CACNA1B: variants seen among roughly 807,000 people sequenced by gnomAD.
The protein encoded by CACNA1B is calcium voltage-gated channel subunit alpha1 B.
CACNA1B carries 70 observed loss-of-function variants against 247.2 expected under a neutral mutation model. That is an observed-to-expected ratio of 0.28 (90% confidence interval 0.23 to 0.35). CACNA1B has a LOEUF of 0.35. Ranked by LOEUF, CACNA1B falls within the 10% of genes least tolerant of loss-of-function variation. CACNA1B has a pLI of 1.00. For synonymous variants in CACNA1B, 1,231 were observed against 1,294.4 expected (o/e 0.95, Z 1.05); for missense variants, 2,367 against 3,197.4 (o/e 0.74, Z 6.26).
intron 10 of CACNA1B, among the ~76,000 whole-genome samples, chr9:137,970,836 A>G (rs1351185636): frequency 1.3e-5 from 2 of 152,202 alleles, no homozygotes; most frequent in African/African-American, 2.4e-5. Context: ...AGTTTCCAAC[A>G]GTAAGTATTG....
chr9:138,022,675 C>A (rs2133437082), intron 18 of CACNA1B, among the ~76,000 whole-genome samples: 1 of 152,256 alleles, frequency 6.6e-6, no homozygotes, highest in Non-Finnish European at 1.5e-5. Context: ...GCCTTCCTGG[C>A]CAGCCGCCCA....
intron 6 of CACNA1B, among the ~76,000 whole-genome samples, chr9:137,927,289 G>GTTTTTTTTTT: frequency 6.7e-6 from 1 of 149,616 alleles, no homozygotes. Context: ...TGTTGCCCAG[G>GTTTTTTTTTT]CTGGAGTGCA....
At chr9:137,967,455 T>G (rs1002045956) in intron 10 of CACNA1B, among the ~76,000 whole-genome samples, 1 of 152,162 alleles carries the variant, frequency 6.6e-6, no homozygotes, top group Admixed American at 6.5e-5. Flanking sequence ...CGTGGCCCGC[T>G]CTCAGAGCCC....
rs1219865815 is a variant in CACNA1B, at chr9:138,020,089, T to C, written c.2268-2922T>C. ...TCCAGCCTGGGCGACACAGCGAGACTCTGTCTCCCAAAAAAAAAAAAAAAA... is the reference window on the plus strand; with the variant it reads ...TCCAGCCTGGGCGACACAGCGAGACCCTGTCTCCCAAAAAAAAAAAAAAAA... On this transcript the variant is annotated intron_variant, in intron 18 of 46. Coordinates refer to ENST00000371372, the MANE Select transcript of CACNA1B (RefSeq NM_000718.4). The surrounding 1 kb of genome is among the most constrained non-coding windows in gnomAD (Gnocchi z 4.1). Among the ~76,000 whole-genome samples the C allele has an allele frequency of 7.8e-6, 1 of 127,934 alleles. No homozygotes were observed. The highest frequency in any genetic ancestry group is 1.6e-5 in the Non-Finnish European group (1 of 64,488). The allele number at this position is 127,934 out of a possible 152,430, so 83.9% of individuals were successfully genotyped here.
intron 6 of CACNA1B, among the ~76,000 whole-genome samples, chr9:137,920,271 A>G (rs1957462657): frequency 6.6e-6 from 1 of 152,086 alleles, no homozygotes; most frequent in South Asian, 2.1e-4. Context: ...ATTTTGGCTC[A>G]CTGCAACCTC....
chr9:138,073,934 C>A lies in CACNA1B; in HGVS notation c.4792-67C>A. The A allele has an allele frequency of 7.6e-7, 1 of 1,310,924 alleles. No homozygotes were observed. Among genetic ancestry groups the A allele is most frequent in the Non-Finnish European group, 1.1e-6 (1 of 913,812 alleles). 81.2% of individuals were successfully genotyped at this position (1,310,924 alleles called of 1,614,324 possible). On this transcript the variant is annotated intron_variant, in intron 33 of 46. Transcript: ENST00000371372. This position sits in a 1 kb window ranked among gnomAD's most constrained non-coding sequence, Gnocchi z 6.4. ...CTGTGTGACCTCAAAGGCCCAGCCA[C>A]CGTAGCAGGAGGCCTGGGCGTGGTG... is the stretch of plus-strand genomic sequence containing the variant.
intron 34 of CACNA1B, among the ~76,000 whole-genome samples, chr9:138,074,305 A>C (rs1472929574): frequency 6.7e-6 from 1 of 149,062 alleles, no homozygotes; most frequent in East Asian, 2.0e-4. Flanking sequence ...CAATGGTGTG[A>C]TCTTGGCTCA....
At chr9:138,042,336 G>T (rs1959134965) in intron 20 of CACNA1B, among the ~76,000 whole-genome samples, 2 of 152,158 alleles carry the variant, frequency 1.3e-5, no homozygotes, top group South Asian at 4.1e-4. Context: ...TGTAATCCCA[G>T]CTACTCGGGA....
chr9:138,117,874 A>G (rs1961926441), intron 42 of CACNA1B, 72 bp from the exon 43 acceptor site: 5 of 1,276,960 alleles, frequency 3.9e-6, no homozygotes, highest in Non-Finnish European at 5.3e-6. Flanking sequence ...TGGCAGGTTG[A>G]AGCACCAGGC....
Position 138,023,003 on chromosome 9 carries a change from C to A in CACNA1B, c.2268-8C>A, listed in dbSNP as rs1958868104. ...ACGGGGCCGCGCTCACCGCCAGTCT[C>A]CCCGCAGCAGGCAGCAGAACTCGGC... On this transcript the variant is annotated splice_polypyrimidine_tract_variant and splice_region_variant and intron_variant, in intron 18 of 46. Coordinates refer to ENST00000371372, the MANE Select transcript of CACNA1B (RefSeq NM_000718.4). 1 of 1,493,232 alleles carries A rather than the reference C, an allele frequency of 6.7e-7. No homozygotes were observed. The highest frequency in any genetic ancestry group is 1.4e-5 in the African/African-American group (1 of 69,356). 92.5% of individuals were successfully genotyped at this position (1,493,232 alleles called of 1,614,324 possible). A position where few individuals can be genotyped will look rare whatever the true frequency, so the allele number is the denominator to read the frequency against.
intron 35 of CACNA1B, 92 bp downstream of exon 35, chr9:138,076,002 AC>A (rs1960305252): frequency 3.7e-6 from 3 of 814,546 alleles, no homozygotes; most frequent in Non-Finnish European, 4.1e-6. Context: ...AACCGTGGAG[AC>A]CACCCACTTC....
intron 5 of CACNA1B, among the ~76,000 whole-genome samples, chr9:137,916,532 C>T (rs1564888068): frequency 2.0e-5 from 3 of 152,152 alleles, no homozygotes; most frequent in Admixed American, 6.5e-5. Flanking sequence ...GTCAGTGCAG[C>T]GAGACCTGGG....
intron 6 of CACNA1B, among the ~76,000 whole-genome samples, chr9:137,945,178 A>G (rs1367243008): frequency 1.3e-5 from 2 of 152,242 alleles, no homozygotes; most frequent in Non-Finnish European, 2.9e-5. Flanking sequence ...ACAGTATTAT[A>G]GTAGAAAATC....
rs1002501091 is a variant in CACNA1B, at chr9:138,057,443, A to G, written c.3969-289A>G. ...GCTCATGATTTTGGTGTCACATCTA[A>G]GGCTCCATTCCCAGATTCGAGGTCA... On this transcript the variant is annotated intron_variant, in intron 26 of 46. Coordinates refer to ENST00000371372, the MANE Select transcript of CACNA1B (RefSeq NM_000718.4). This position sits in a 1 kb window ranked among gnomAD's most constrained non-coding sequence, Gnocchi z 4.0. 2.0e-5 allele frequency among the ~76,000 whole-genome samples: 3 copies of G among 152,280 alleles called. No homozygotes were observed. The highest frequency in any genetic ancestry group is 7.2e-5 in the African/African-American group (3 of 41,558).
intron 3 of CACNA1B, among the ~76,000 whole-genome samples, chr9:137,889,041 C>T (rs1466946025): frequency 7.3e-5 from 11 of 149,764 alleles, no homozygotes; most frequent in Admixed American, 2.7e-4. Context: ...AGCCCAGAGA[C>T]GCTGCCTTCC....
At chr9:137,991,384 G>C (rs1958430511) in intron 15 of CACNA1B, among the ~76,000 whole-genome samples, 1 of 152,104 alleles carries the variant, frequency 6.6e-6, no homozygotes, top group Admixed American at 6.6e-5. Flanking sequence ...AGAGACAGAA[G>C]AATTTCAAAA....
chr9:138,058,342 A>T lies in CACNA1B; in HGVS notation c.4308+92A>T. The T allele has an allele frequency of 8.4e-7, 1 of 1,193,006 alleles. No individual in the cohort carries two copies. Among genetic ancestry groups the T allele is most frequent in the Non-Finnish European group, 1.2e-6 (1 of 814,054 alleles). 73.9% of individuals were successfully genotyped at this position (1,193,006 alleles called of 1,614,324 possible). ...CACACAAATCACTCACAGCTGGGTCAGCTTTGGCTGCCACCGTCTGCCAAC... is the reference window on the plus strand; with the variant it reads ...CACACAAATCACTCACAGCTGGGTCTGCTTTGGCTGCCACCGTCTGCCAAC... On this transcript the variant is annotated intron_variant, in intron 28 of 46. Coordinates refer to ENST00000371372, the MANE Select transcript of CACNA1B (RefSeq NM_000718.4). This position sits in a 1 kb window ranked among gnomAD's most constrained non-coding sequence, Gnocchi z 4.7.
At chr9:137,943,662 C>A (rs1171547897) in intron 6 of CACNA1B, among the ~76,000 whole-genome samples, 1 of 152,180 alleles carries the variant, frequency 6.6e-6, no homozygotes, top group African/African-American at 2.4e-5. Context: ...GGGCTCCTTG[C>A]TTCTAGTGAA....
At chr9:138,114,060 C>T (rs1247839305) in intron 40 of CACNA1B, among the ~76,000 whole-genome samples, 1 of 152,200 alleles carries the variant, frequency 6.6e-6, no homozygotes, top group African/African-American at 2.4e-5. Context: ...CCAACTCCAT[C>T]TTGCTTTCTG....
Sources: allele counts gnomAD v4.1 joint callset (sites outside exome capture counted in the v4.1 genomes callset), GRCh38; gene constraint gnomAD v4.1.1; non-coding constraint Gnocchi (gnomAD v3.1); transcripts MANE v1.5; gene names NCBI Gene and HGNC (gene_info 2026-07-23, HGNC 2026-07-21).